Variants in GARRE1 observed in about 807,000 individuals in gnomAD.
GARRE1 encodes the protein granule associated Rac and RHOG effector 1.
GARRE1 carries 49 observed loss-of-function variants against 103.2 expected under a neutral mutation model. The observed-to-expected ratio is 0.47, with a 90% CI of 0.38 to 0.60. GARRE1 has a LOEUF of 0.60. Among genes scored for constraint, GARRE1 ranks in the 20% least tolerant of loss-of-function variants. The probability of loss-of-function intolerance (pLI) is 0.00; values close to 1 mark genes in which losing one functional copy is unlikely to be tolerated. For missense variants in GARRE1, 1,199 were observed against 1,370.5 expected (o/e 0.87, Z 1.98); for synonymous variants, 505 against 532.8 (o/e 0.95, Z 0.72).
Position 34,327,971 on chromosome 19 carries a change from C to G in GARRE1, c.943-19C>G. ...TGAGCGATGGGTCACCTCTCCTCTTCCATCCATGCCTTTTCCAGGGCTGCT... is the reference window on the plus strand; with the variant it reads ...TGAGCGATGGGTCACCTCTCCTCTTGCATCCATGCCTTTTCCAGGGCTGCT... On this transcript the variant is annotated intron_variant, in intron 5 of 13. Transcript: ENST00000299505. 1 of 1,614,148 alleles carries G rather than the reference C, an allele frequency of 6.2e-7. No homozygotes were observed. Among genetic ancestry groups the G allele is most frequent in the South Asian group, 1.1e-5 (1 of 91,080 alleles).
chr19:34,326,689 C>T (rs1256322266), intron 3 of GARRE1, among the ~76,000 whole-genome samples: 16 of 144,558 alleles, frequency 1.1e-4, no homozygotes, highest in Non-Finnish European at 2.0e-4. Flanking sequence ...TATGTTCTTC[C>T]TTTTTTTTTT....
chr19:34,346,804 GA>G (rs1488360462), intron 10 of GARRE1, among the ~76,000 whole-genome samples: 18 of 152,144 alleles, frequency 1.2e-4, no homozygotes, highest in African/African-American at 4.1e-4. Context: ...TTTTAGTAGA[GA>G]CGGGGTTTCA....
intron 8 of GARRE1, among the ~76,000 whole-genome samples, chr19:34,337,017 G>A (rs1265618501): frequency 6.7e-6 from 1 of 148,286 alleles, no homozygotes; most frequent in Non-Finnish European, 1.5e-5. Context: ...CCTCTGCTGG[G>A]TGCTTTTGGT....
chr19:34,296,667 C>T (rs1402043587), intron 1 of GARRE1: 7 of 923,040 alleles, frequency 7.6e-6, no homozygotes, highest in South Asian at 7.0e-5. Flanking sequence ...TCTTTGTGAT[C>T]GGGGTTTCTT....
rs1284969932 is a variant in GARRE1 at position 34,347,978 on chromosome 19, G to A, written c.2623G>A (p.Gly875Ser). Residue 875 changes from glycine (G) to serine (S), a missense_variant, in exon 11 of 14, where the codon GGC (glycine) becomes AGC (serine). By Grantham distance (56) the Gly-to-Ser change is moderately conservative (BLOSUM62 0). Transcript: ENST00000299505. ...QHGRRPGNPR[G>S]NWPPMDDAHR... ...CGGTCGCCGGCCAGGCAACCCCCGG[G>A]GCAACTGGCCGCCTATGGATGACGC... is the stretch of plus-strand genomic sequence containing the variant. 18 of 1,584,568 alleles carry A rather than the reference G, an allele frequency of 1.1e-5. No homozygotes were observed. Among genetic ancestry groups the A allele is most frequent in the Non-Finnish European group, 1.5e-5 (17 of 1,163,570 alleles).
intron 1 of GARRE1, among the ~76,000 whole-genome samples, chr19:34,268,567 A>G (rs1414038684): frequency 6.6e-6 from 1 of 152,184 alleles, no homozygotes; most frequent in East Asian, 1.9e-4. Flanking sequence ...AGTTAAGTCC[A>G]TTTGTTACCA....
intron 1 of GARRE1, chr19:34,296,471 G>A (rs201699631): frequency 1.5e-4 from 244 of 1,594,040 alleles, no homozygotes; most frequent in Non-Finnish European, 1.9e-4. Context: ...GATCGAGCTT[G>A]TGGCTGACAC....
chr19:34,256,813 A>G (rs2073676197), intron 1 of GARRE1, among the ~76,000 whole-genome samples: 1 of 152,194 alleles, frequency 6.6e-6, no homozygotes, highest in Admixed American at 6.6e-5. Flanking sequence ...TTTTCACAGT[A>G]TCTTCACAAT....
At chr19:34,296,313 G>A in intron 1 of GARRE1, 1 of 810,556 alleles carries the variant, frequency 1.2e-6, no homozygotes, top group Admixed American at 1.9e-5. Flanking sequence ...GGCACCTTTG[G>A]GAGCTTGAGC....
chr19:34,333,694 T>G lies in GARRE1; in HGVS notation c.1264-10T>G. On this transcript the variant is annotated splice_polypyrimidine_tract_variant and intron_variant, in intron 7 of 13. Coordinates refer to ENST00000299505, the MANE Select transcript of GARRE1 (RefSeq NM_014686.5). Reference sequence around the variant, plus strand: ...TGTTATTTGTTTTTTTTTTTTTTTTTCGATCTTAGGTGGTGGTTGACACAG... The same window carrying G: ...TGTTATTTGTTTTTTTTTTTTTTTTGCGATCTTAGGTGGTGGTTGACACAG... 1 of 1,398,172 alleles carries G rather than the reference T, an allele frequency of 7.2e-7. No homozygotes were observed. The highest frequency in any genetic ancestry group is 9.9e-7 in the Non-Finnish European group (1 of 1,010,740). The allele number at this position is 1,398,172 out of a possible 1,614,324, so 86.6% of individuals were successfully genotyped here.
chr19:34,269,684 G>A (rs200380480), intron 1 of GARRE1, among the ~76,000 whole-genome samples: 4 of 152,056 alleles, frequency 2.6e-5, no homozygotes, highest in East Asian at 3.9e-4. Flanking sequence ...TGCCTTGGCC[G>A]TCTGAAGTGT....
rs1327949757 is a variant in GARRE1, at chr19:34,330,774, T to G, written c.1263+427T>G. Among the ~76,000 whole-genome samples, 3 of 148,554 alleles carry G rather than the reference T, an allele frequency of 2.0e-5. No individual in the cohort carries two copies. In the South Asian group the frequency reaches 6.6e-4, roughly 33 times the overall value. On this transcript the variant is annotated intron_variant, in intron 7 of 13. Coordinates refer to ENST00000299505, the MANE Select transcript of GARRE1 (RefSeq NM_014686.5). ...TGTGTGTGTGTGTGTGACAGACTCT[T>G]GCTCTGTCGCCCAGGCTGCAGTGCA...
intron 1 of GARRE1, among the ~76,000 whole-genome samples, chr19:34,293,205 A>G (rs1235984418): frequency 6.6e-6 from 1 of 152,232 alleles, no homozygotes; most frequent in Admixed American, 6.5e-5. Flanking sequence ...TGGCGTATTT[A>G]TAAAAATTTG....
intron 1 of GARRE1, among the ~76,000 whole-genome samples, chr19:34,290,173 A>G (rs569348798): frequency 5.3e-5 from 8 of 152,236 alleles, no homozygotes; most frequent in Non-Finnish European, 4.4e-5. Flanking sequence ...CCTGGGGAAC[A>G]TGGTGAAACC....
At chr19:34,288,882 A>G (rs920915716) in intron 1 of GARRE1, among the ~76,000 whole-genome samples, 7 of 152,268 alleles carry the variant, frequency 4.6e-5, no homozygotes, top group African/African-American at 1.7e-4. Flanking sequence ...CTGTAATCCC[A>G]GCACTTTGGG....
chr19:34,339,112 G>A (rs1268574402), intron 8 of GARRE1, among the ~76,000 whole-genome samples: 1 of 152,160 alleles, frequency 6.6e-6, no homozygotes, highest in Non-Finnish European at 1.5e-5. Context: ...CAGTTGTGTT[G>A]TTCACTTATT....
At position 34,339,948 on chromosome 19, in the gene GARRE1, GC is replaced by G; in HGVS notation, c.1444del (p.Leu482SerfsTer8). On this transcript the variant is annotated frameshift_variant, in exon 9 of 14. Coordinates refer to ENST00000299505, the MANE Select transcript of GARRE1 (RefSeq NM_014686.5). LOFTEE classifies it high-confidence loss of function. Reference sequence around the variant, plus strand: ...AGAAGACCCTGGGTCTAGTGGACGTGCTCTACACAGCTGTGCTGGACCTAAA... The same window carrying G: ...AGAAGACCCTGGGTCTAGTGGACGTGTCTACACAGCTGTGCTGGACCTAAA... ...PEKTLGLVDV[L>X]YTAVLDLNRW... The G allele has an allele frequency of 6.2e-7, 1 of 1,614,200 alleles. No individual in the cohort carries two copies.
chr19:34,329,628 G>T (rs1450116092), intron 6 of GARRE1, among the ~76,000 whole-genome samples: 1 of 152,134 alleles, frequency 6.6e-6, no homozygotes, highest in Non-Finnish European at 1.5e-5. Flanking sequence ...CTGAGGTCAG[G>T]AGTTCAAGAC....
chr19:34,320,338 C>T (rs752350434), intron 3 of GARRE1, among the ~76,000 whole-genome samples: 7 of 152,248 alleles, frequency 4.6e-5, no homozygotes, highest in Admixed American at 1.3e-4. Flanking sequence ...CTCACAGCCT[C>T]CTGGGAGAAT....
Sources: allele counts gnomAD v4.1 joint callset (sites outside exome capture counted in the v4.1 genomes callset), GRCh38; gene constraint gnomAD v4.1.1; transcripts MANE v1.5; gene names NCBI Gene and HGNC (gene_info 2026-07-23, HGNC 2026-07-21).